The following ANKS1B variants were observed in gnomAD, a reference collection of about 807,000 sequenced individuals.
ANKS1B encodes the protein ankyrin repeat and sterile alpha motif domain containing 1B.
Under a neutral mutation model 148.3 loss-of-function variants are expected in ANKS1B, and 36 were observed. The observed-to-expected ratio is 0.24, with a 90% CI of 0.19 to 0.32. ANKS1B has a LOEUF of 0.32. ANKS1B is among the 10% of genes least tolerant of loss of function. The pLI is 1.00. For synonymous variants in ANKS1B, 542 were observed against 560.8 expected, an observed-to-expected ratio of 0.97 and a Z score of 0.47; for missense variants, 1,157 against 1,542.6, an observed-to-expected ratio of 0.75 and a Z score of 4.19.
At chr12:98,739,766 C>G (rs1425201157), downstream of ANKS1B, among the ~76,000 whole-genome samples, 1 of 152,106 alleles carries the variant, frequency 6.6e-6, no homozygotes, top group South Asian at 2.1e-4. Flanking sequence ...AAAAACATGT[C>G]AAGAATCTGA....
intron 9 of ANKS1B, among the ~76,000 whole-genome samples, chr12:99,531,433 C>T (rs1400664129): frequency 6.6e-6 from 1 of 152,170 alleles, no homozygotes; most frequent in Non-Finnish European, 1.5e-5. Context: ...TATAACTTAG[C>T]TTCCAATTAT....
chr12:99,762,291 TATACTATACA>T (rs1352132069), intron 8 of ANKS1B, among the ~76,000 whole-genome samples: 1 of 152,072 alleles, frequency 6.6e-6, no homozygotes, highest in Non-Finnish European at 1.5e-5. Flanking sequence ...AACTTCCAAC[TATACTATACA>T]GCTACAATAA....
chr12:98,837,315 C>T (rs956304355), intron 17 of ANKS1B, among the ~76,000 whole-genome samples: 4 of 143,454 alleles, frequency 2.8e-5, no homozygotes, highest in Admixed American at 7.3e-5. Context: ...CCAGCCTGGG[C>T]GATGGAGCAA....
At chr12:99,728,670 T>C (rs532265031) in intron 8 of ANKS1B, among the ~76,000 whole-genome samples, 1 of 152,296 alleles carries the variant, frequency 6.6e-6, no homozygotes, top group African/African-American at 2.4e-5. Context: ...CATGCACACA[T>C]ATTATCACTG....
At chr12:99,742,724 G>T (rs1403866495) in intron 8 of ANKS1B, among the ~76,000 whole-genome samples, 1 of 151,664 alleles carries the variant, frequency 6.6e-6, no homozygotes, top group Non-Finnish European at 1.5e-5. Flanking sequence ...TGTAATCCCA[G>T]CTACTCAGGA....
chr12:99,918,372 T>C (rs965261726), intron 1 of ANKS1B, among the ~76,000 whole-genome samples: 2 of 152,236 alleles, frequency 1.3e-5, no homozygotes, highest in East Asian at 3.8e-4. Context: ...CCTTAACCCC[T>C]ATGAGTGGAA....
intron 16 of ANKS1B, among the ~76,000 whole-genome samples, chr12:99,074,047 T>C (rs188492062): frequency 2.6e-5 from 4 of 152,280 alleles, no homozygotes; most frequent in African/African-American, 9.6e-5. Flanking sequence ...TGATTATTCT[T>C]TGACGAATTA....
intron 18 of ANKS1B, among the ~76,000 whole-genome samples, chr12:98,830,252 T>C (rs1177845549): frequency 6.6e-6 from 1 of 152,020 alleles, no homozygotes; most frequent in South Asian, 2.1e-4. Flanking sequence ...AAAACAAAAA[T>C]CTTTTTTTTT....
intron 17 of ANKS1B, among the ~76,000 whole-genome samples, chr12:98,872,298 G>T (rs983751379): frequency 2.6e-5 from 4 of 152,220 alleles, no homozygotes; most frequent in African/African-American, 9.6e-5. Flanking sequence ...CAGCACTTTG[G>T]GAGGCCGAGG....
At chr12:99,869,180 C>T (rs898052007) in intron 1 of ANKS1B, among the ~76,000 whole-genome samples, 1 of 152,102 alleles carries the variant, frequency 6.6e-6, no homozygotes, top group Admixed American at 6.5e-5. Flanking sequence ...TGATTCCAAT[C>T]AAAGTCCCAG....
intron 11 of ANKS1B, among the ~76,000 whole-genome samples, chr12:99,411,718 G>A (rs541300068): frequency 6.6e-6 from 1 of 152,194 alleles, no homozygotes; most frequent in African/African-American, 2.4e-5. Context: ...AATAGAGATT[G>A]GGCTTGCATT....
chr12:99,140,347 G>C (rs2153793632), intron 15 of ANKS1B, among the ~76,000 whole-genome samples: 1 of 152,280 alleles, frequency 6.6e-6, no homozygotes, highest in African/African-American at 2.4e-5. Context: ...TTTGATTTAA[G>C]GTCGCTGAGC....
chr12:98,761,907 C>T (rs969768027), intron 25 of ANKS1B, among the ~76,000 whole-genome samples: 8 of 152,182 alleles, frequency 5.3e-5, no homozygotes, highest in South Asian at 2.1e-4. Flanking sequence ...TTTGACCTGC[C>T]TTGCAGTGCT....
chr12:99,139,809 G>A (rs1197279478), intron 15 of ANKS1B, among the ~76,000 whole-genome samples: 1 of 151,930 alleles, frequency 6.6e-6, no homozygotes, highest in African/African-American at 2.4e-5. Context: ...TACTTAATAG[G>A]TGTTCCCTTA....
At chr12:98,776,125 G>C (rs1464050132) in intron 24 of ANKS1B, among the ~76,000 whole-genome samples, 1 of 152,224 alleles carries the variant, frequency 6.6e-6, no homozygotes, top group African/African-American at 2.4e-5. Context: ...TTGTCTACCT[G>C]TGCAGAATGG....
chr12:98,957,999 A>G (rs1179966088), intron 17 of ANKS1B, among the ~76,000 whole-genome samples: 7 of 152,200 alleles, frequency 4.6e-5, no homozygotes. Flanking sequence ...GAGGTGGGTA[A>G]TGAGGATGAG....
intron 12 of ANKS1B, among the ~76,000 whole-genome samples, chr12:99,359,558 T>TA (rs1048773849): frequency 2.6e-5 from 4 of 152,070 alleles, no homozygotes; most frequent in Non-Finnish European, 5.9e-5. Context: ...TTCTTATTGT[T>TA]AAAAAAGATA....
At chr12:99,475,755 C>T (rs1595550933) in intron 10 of ANKS1B, among the ~76,000 whole-genome samples, 1 of 151,758 alleles carries the variant, frequency 6.6e-6, no homozygotes, top group East Asian at 1.9e-4. Flanking sequence ...GATTATACAG[C>T]TACTGTAATT....
chr12:98,863,701 A>G (rs375708406), intron 17 of ANKS1B, among the ~76,000 whole-genome samples: 4 of 152,256 alleles, frequency 2.6e-5, no homozygotes, highest in African/African-American at 9.6e-5. Context: ...TATTGAGTAT[A>G]GATCACTAAT....
Sources: allele counts gnomAD v4.1 joint callset (sites outside exome capture counted in the v4.1 genomes callset), GRCh38; gene constraint gnomAD v4.1.1; transcripts MANE v1.5; gene names NCBI Gene and HGNC (gene_info 2026-07-23, HGNC 2026-07-21).